SMC6: variants seen among roughly 807,000 people sequenced by gnomAD.
The protein encoded by SMC6 is structural maintenance of chromosomes 6, also known as structural maintenance of chromosomes protein 6.
A neutral mutation model predicts 142.2 loss-of-function variants in SMC6; 79 were observed. That is an observed-to-expected ratio of 0.56 (90% CI 0.46 to 0.67). The LOEUF is 0.67. Ranked by LOEUF, SMC6 falls within the 30% of genes least tolerant of loss-of-function variation. SMC6 has a pLI of 0.00. For missense variants in SMC6, 1,072 were observed against 1,284.0 expected, an observed-to-expected ratio of 0.83 and a Z score of 2.52; for synonymous variants, 411 against 412.4, an observed-to-expected ratio of 1.00 and a Z score of 0.04.
chr2:17,716,352 G>A, intron 14 of SMC6, 88 bp from the exon 15 acceptor site: 1 of 1,238,226 alleles, frequency 8.1e-7, no homozygotes, highest in African/African-American at 1.6e-5. Flanking sequence ...ACATCCCAGT[G>A]AACGACCCAG....
chr2:17,741,338 G>A (rs1328389922), intron 4 of SMC6, among the ~76,000 whole-genome samples: 1 of 152,168 alleles, frequency 6.6e-6, no homozygotes, highest in Non-Finnish European at 1.5e-5. Context: ...AGGATCGCTT[G>A]TCTACCCTTC....
chr2:17,701,780 G>T, intron 20 of SMC6, 49 bp downstream of exon 20: 1 of 1,147,686 alleles, frequency 8.7e-7, no homozygotes, highest in Non-Finnish European at 1.3e-6. Flanking sequence ...AACCTAAATG[G>T]TGGCTTTACC....
chr2:17,748,718 T>C (rs565694191), intron 2 of SMC6, among the ~76,000 whole-genome samples: 1 of 152,322 alleles, frequency 6.6e-6, no homozygotes, highest in East Asian at 1.9e-4. Context: ...AATTTATTTA[T>C]TATAGAAGAG....
intron 16 of SMC6, among the ~76,000 whole-genome samples, chr2:17,711,392 T>C (rs1668817562): frequency 1.3e-5 from 2 of 152,038 alleles, no homozygotes; most frequent in Admixed American, 1.3e-4. Context: ...TCACAAACAA[T>C]GTTAAGCAGA....
intron 3 of SMC6, among the ~76,000 whole-genome samples, chr2:17,742,495 G>A (rs1670521688): frequency 6.6e-6 from 1 of 152,124 alleles, no homozygotes; most frequent in South Asian, 2.1e-4. Context: ...GTTTAACCAA[G>A]AGTTTGGCAA....
chr2:17,687,100 G>A (rs1439333417), intron 23 of SMC6, among the ~76,000 whole-genome samples: 5 of 152,082 alleles, frequency 3.3e-5, no homozygotes, highest in African/African-American at 1.2e-4. Context: ...CAATGTTGGC[G>A]CAAATGCAAA....
At chr2:17,749,238 C>T (rs551139559) in intron 2 of SMC6, among the ~76,000 whole-genome samples, 1 of 152,194 alleles carries the variant, frequency 6.6e-6, no homozygotes, top group South Asian at 2.1e-4. Flanking sequence ...AAAGCCTCCT[C>T]TGGGATTTTC....
intron 23 of SMC6, among the ~76,000 whole-genome samples, chr2:17,688,346 T>C (rs1572267434): frequency 6.8e-6 from 1 of 147,006 alleles, no homozygotes; most frequent in Non-Finnish European, 1.5e-5. Flanking sequence ...AAGGAAAGCA[T>C]GTTAAGAAAA....
chr2:17,667,777 G>C (rs990233453), intron 26 of SMC6, among the ~76,000 whole-genome samples: 1 of 152,210 alleles, frequency 6.6e-6, no homozygotes, highest in Non-Finnish European at 1.5e-5. Context: ...TTGAATCCAG[G>C]AGGCGGAGGT....
At chr2:17,719,011 C>T (rs1669242079) in intron 11 of SMC6, among the ~76,000 whole-genome samples, 1 of 152,208 alleles carries the variant, frequency 6.6e-6, no homozygotes, top group South Asian at 2.1e-4. Flanking sequence ...AGGGACCAAA[C>T]TGGGATGCTG....
chr2:17,687,983 T>C (rs1186696652), intron 23 of SMC6, among the ~76,000 whole-genome samples: 1 of 152,026 alleles, frequency 6.6e-6, no homozygotes, highest in Non-Finnish European at 1.5e-5. Flanking sequence ...ACTGAGTAAA[T>C]ATTAACGTTG....
At chr2:17,670,189 C>T (rs1448847955) in intron 26 of SMC6, among the ~76,000 whole-genome samples, 1 of 152,072 alleles carries the variant, frequency 6.6e-6, no homozygotes, top group East Asian at 1.9e-4. Flanking sequence ...CACGGATATC[C>T]ATGCTGGGCG....
At chr2:17,725,751 T>C (rs1190493180) in intron 8 of SMC6, among the ~76,000 whole-genome samples, 1 of 152,126 alleles carries the variant, frequency 6.6e-6, no homozygotes, top group African/African-American at 2.4e-5. Flanking sequence ...ACACAGAATA[T>C]TTAGCAGTAT....
At chr2:17,702,373 T>C (rs921677178) in intron 19 of SMC6, among the ~76,000 whole-genome samples, 2 of 152,140 alleles carry the variant, frequency 1.3e-5, no homozygotes, top group African/African-American at 4.8e-5. Flanking sequence ...TGAGTATATA[T>C]AAAGTTTATA....
intron 5 of SMC6, among the ~76,000 whole-genome samples, chr2:17,737,373 C>T (rs560529097): frequency 3.9e-5 from 6 of 152,204 alleles, no homozygotes; most frequent in Non-Finnish European, 7.4e-5. Context: ...AAAAGTTCTC[C>T]GCACTGGGCA....
At position 17,718,182 on chromosome 2, in the gene SMC6, T is replaced by A; in HGVS notation, c.987A>T (p.Gln329His). 6.2e-7 allele frequency: 1 copy of A among 1,609,494 alleles called. No individual in the cohort carries two copies. Among genetic ancestry groups the A allele is most frequent in the Non-Finnish European group, 8.5e-7 (1 of 1,177,320 alleles). The change falls in exon 12 of 28, where the codon CAA becomes CAT. Residue 329 changes from glutamine to histidine, a missense_variant. Transcript: ENST00000448223. ...CTTCACTAATCTTTTCTAGTTTGTC[T>A]TGAATATCCTTGTACTTTTGTTCTG... is the stretch of plus-strand genomic sequence containing the variant. ...NEAEQKYKDIQDKLEKISEET... is the reference protein window; with the variant it reads ...NEAEQKYKDIHDKLEKISEET...
Position 17,701,923 on chromosome 2 carries a change from A to C in SMC6, c.2143-14T>G. ...TCTTATTTTCATCTAAAAGAAAAGT[A>C]TTTGGATTTTAGTAACATAAAAAAA... On this transcript the variant is annotated splice_polypyrimidine_tract_variant and intron_variant, in intron 19 of 27. Transcript: ENST00000448223. 1 of 1,422,772 alleles carries C rather than the reference A, an allele frequency of 7.0e-7. No homozygotes were observed. The highest frequency in any genetic ancestry group is 9.7e-7 in the Non-Finnish European group (1 of 1,035,378). 88.1% of individuals were successfully genotyped at this position (1,422,772 alleles called of 1,614,324 possible).
At chr2:17,728,640 G>A (rs1572339661) in intron 7 of SMC6, among the ~76,000 whole-genome samples, 1 of 152,262 alleles carries the variant, frequency 6.6e-6, no homozygotes, top group Non-Finnish European at 1.5e-5. Flanking sequence ...GATAAGAAAC[G>A]GAGGCACAGA....
chr2:17,703,650 G>C (rs936506462), intron 18 of SMC6, among the ~76,000 whole-genome samples: 2 of 151,966 alleles, frequency 1.3e-5, no homozygotes, highest in African/African-American at 4.8e-5. Context: ...TCAATGTGAA[G>C]ACAATAAGGA....
Sources: allele counts gnomAD v4.1 joint callset (sites outside exome capture counted in the v4.1 genomes callset), GRCh38; gene constraint gnomAD v4.1.1; transcripts MANE v1.5; gene names NCBI Gene and HGNC (gene_info 2026-07-23, HGNC 2026-07-21).